TMLHE: variants seen among roughly 807,000 people sequenced by gnomAD.
The protein encoded by TMLHE is trimethyllysine dioxygenase, mitochondrial.
A neutral mutation model predicts 25.7 loss-of-function variants in TMLHE; 18 were observed. That is an observed-to-expected ratio of 0.70 (90% CI 0.48 to 1.04). TMLHE has a LOEUF of 1.04. Ranked by LOEUF, TMLHE falls within the 50% of genes least tolerant of loss-of-function variation. The probability of loss-of-function intolerance (pLI) is 0.00; values close to 1 mark genes in which losing one functional copy is unlikely to be tolerated. For synonymous variants in TMLHE, 105 were observed against 97.0 expected, an observed-to-expected ratio of 1.08 and a Z score of -0.49; for missense variants, 236 against 259.0, an observed-to-expected ratio of 0.91 and a Z score of 0.61.
intron 1 of TMLHE, among the ~76,000 whole-genome samples, chrX:155,547,378 T>G (rs2067357062): frequency 9.1e-6 from 1 of 110,258 alleles, no homozygotes; most frequent in Non-Finnish European, 1.9e-5. Context: ...TCTCCTGACC[T>G]CGTGATCCGC....
chrX:155,604,680 A>G (rs2067776739), intron 1 of TMLHE, among the ~76,000 whole-genome samples: 1 of 111,419 alleles, frequency 9.0e-6, no homozygotes, highest in Admixed American at 9.5e-5. Flanking sequence ...GAGCACCAAG[A>G]GGGAGCATGG....
chrX:155,589,718 T>C (rs1416270951), intron 1 of TMLHE, among the ~76,000 whole-genome samples: 1 of 111,409 alleles, frequency 9.0e-6, no homozygotes, highest in Non-Finnish European at 1.9e-5. Context: ...TCCAATAATC[T>C]ATACCAGAGT....
intron 1 of TMLHE, among the ~76,000 whole-genome samples, chrX:155,545,513 C>A (rs941115574): frequency 6.3e-5 from 7 of 111,816 alleles, no homozygotes; most frequent in Admixed American, 3.8e-4. Flanking sequence ...GGCCTACTAC[C>A]TAACTGAAGC....
chrX:155,536,284 T>G (rs1557337618), intron 2 of TMLHE, among the ~76,000 whole-genome samples: 1 of 111,531 alleles, frequency 9.0e-6, no homozygotes, highest in Admixed American at 9.6e-5. Context: ...ATTAAATGTT[T>G]GTTGAATAAA....
In TMLHE at chrX:155,569,093, T is replaced by A. The variant is rs1270661551; in HGVS notation, c.-1-23816A>T. On this transcript the variant is annotated intron_variant, in intron 1 of 7. Transcript: ENST00000334398. ...AAGAAGTTAAAAACTTTGAAAAAAA[T>A]TTAGATGAATGTATAACTAGAATAA... Among the ~76,000 whole-genome samples, 2 of 56,514 alleles carry A rather than the reference T, an allele frequency of 3.5e-5. 1 individual carries two copies. Among genetic ancestry groups the A allele is most frequent in the Admixed American group, 4.1e-4 (2 of 4,837 alleles). 49.1% of individuals were successfully genotyped at this position (56,514 alleles called of 115,157 possible).
At chrX:155,506,586 T>A (rs1050015587) in intron 6 of TMLHE, among the ~76,000 whole-genome samples, 1 of 111,642 alleles carries the variant, frequency 9.0e-6, no homozygotes, top group African/African-American at 3.2e-5. Context: ...ACATAAATGT[T>A]GTTGGGTAAC....
chrX:155,584,742 C>A (rs1245476948), intron 1 of TMLHE, among the ~76,000 whole-genome samples: 1 of 110,961 alleles, frequency 9.0e-6, no homozygotes, highest in East Asian at 2.8e-4. Context: ...AAAAAACTGC[C>A]AGCCAAGGAT....
intron 1 of TMLHE, among the ~76,000 whole-genome samples, chrX:155,547,778 T>C (rs1349498009): frequency 1.8e-5 from 2 of 110,428 alleles, no homozygotes; most frequent in African/African-American, 3.3e-5. Context: ...CCCTGAAATA[T>C]ATAAAATAAT....
At position 155,512,569 on chromosome X, in the gene TMLHE, T is replaced by C. The variant is rs1031692096; in HGVS notation, c.639-777A>G. On this transcript the variant is annotated intron_variant, in intron 4 of 7. Transcript: ENST00000334398. ...ACATTTTCTTAATCCAGTCTATCAT[T>C]GTTGGACATTTGGGTTGGTTCCAAG... is the stretch of plus-strand genomic sequence containing the variant. 2.7e-5 allele frequency among the ~76,000 whole-genome samples: 3 copies of C among 111,177 alleles called. No homozygotes were observed. The East Asian group carries it at 8.4e-4, about 31-fold the overall frequency.
chrX:155,547,764 A>ACAACC (rs2067362359), intron 1 of TMLHE, among the ~76,000 whole-genome samples: 1 of 110,735 alleles, frequency 9.0e-6, no homozygotes, highest in Non-Finnish European at 1.9e-5. Flanking sequence ...AATAATCCAC[A>ACAACC]CAACCCTGAA....
At position 155,520,478 on chromosome X, in the gene TMLHE, G is replaced by A. The variant is rs1249325602; in HGVS notation, c.358+3978C>T. 4.9e-3 allele frequency among the ~76,000 whole-genome samples: 13 copies of A among 2,674 alleles called. No homozygotes were observed. The Admixed American group carries it at 0.085, about 17-fold the overall frequency. 2.3% of individuals were successfully genotyped at this position (2,674 alleles called of 115,157 possible). On this transcript the variant is annotated intron_variant, in intron 3 of 7. Transcript: ENST00000334398. ...CATTTTTTCCTTCATTTCAACTTTG[G>A]TGAATCTGACAATTATGTGTCTTGG...
intron 6 of TMLHE, 109 bp downstream of exon 6, chrX:155,506,789 T>C (rs2067078630): frequency 1.6e-6 from 1 of 631,742 alleles, no homozygotes; most frequent in East Asian, 3.2e-5. Context: ...AGCTATAGAA[T>C]AGCAAGATTA....
chrX:155,610,697 T>C (rs2067813914), intron 1 of TMLHE, among the ~76,000 whole-genome samples: 1 of 111,039 alleles, frequency 9.0e-6, no homozygotes, highest in African/African-American at 3.3e-5. Flanking sequence ...AAAAAGAATA[T>C]TGCTGGCTTG....
intron 3 of TMLHE, among the ~76,000 whole-genome samples, chrX:155,524,094 AAG>A (rs782621939): frequency 2.5e-3 from 282 of 111,602 alleles, no homozygotes; most frequent in African/African-American, 8.5e-3. Flanking sequence ...TCTGCAAATA[AAG>A]AGTTTTATGT....
chrX:155,609,655 T>C (rs781889728), intron 1 of TMLHE, among the ~76,000 whole-genome samples: 2 of 112,419 alleles, frequency 1.8e-5, no homozygotes, highest in Non-Finnish European at 3.8e-5. Flanking sequence ...AAAGGACTTG[T>C]ATATAAGCAA....
intron 1 of TMLHE, among the ~76,000 whole-genome samples, chrX:155,560,127 T>C (rs1366457209): frequency 8.9e-6 from 1 of 112,064 alleles, no homozygotes; most frequent in Non-Finnish European, 1.9e-5. Context: ...CTCTTTACAA[T>C]TGCACTCAGG....
rs138511500 is a variant in TMLHE, at chrX:155,589,382, G to A, written c.-2+23410C>T. Among the ~76,000 whole-genome samples, 802 of 111,344 alleles carry A rather than the reference G, an allele frequency of 7.2e-3. 6 individuals carry two copies. Among genetic ancestry groups the A allele is most frequent in the African/African-American group, 0.024 (730 of 30,655 alleles). On this transcript the variant is annotated intron_variant, in intron 1 of 7. Transcript: ENST00000334398. Reference sequence around the variant, plus strand: ...GGAGAATTGCTTGAACCCGGGAGGCGGAGGTTGCAGTGAGCCAAGATCACA... The same window carrying A: ...GGAGAATTGCTTGAACCCGGGAGGCAGAGGTTGCAGTGAGCCAAGATCACA...
At position 155,545,387 on chromosome X, in the gene TMLHE, A is replaced by C. The variant is rs782293853; in HGVS notation, c.-1-110T>G. ...GTAAAATGATAGATTTAATGATCTC[A>C]ATACAGAGGATTAAACAAAGGAGAA... is the stretch of plus-strand genomic sequence containing the variant. On this transcript the variant is annotated intron_variant, in intron 1 of 7. Coordinates refer to ENST00000334398, the MANE Select transcript of TMLHE (RefSeq NM_018196.4). 4.7e-5 allele frequency: 28 copies of C among 595,969 alleles called. No homozygotes were observed. The Admixed American group carries it at 6.0e-4, about 13-fold the overall frequency. The allele number at this position is 595,969 out of a possible 1,213,427, so 49.1% of individuals were successfully genotyped here.
chrX:155,609,195 A>G (rs1381247190), intron 1 of TMLHE, among the ~76,000 whole-genome samples: 1 of 112,371 alleles, frequency 8.9e-6, no homozygotes, highest in Admixed American at 9.4e-5. Context: ...ACACCATGGA[A>G]TACTATGCAG....
Sources: allele counts gnomAD v4.1 joint callset (sites outside exome capture counted in the v4.1 genomes callset), GRCh38; gene constraint gnomAD v4.1.1; transcripts MANE v1.5; gene names NCBI Gene and HGNC (gene_info 2026-07-23, HGNC 2026-07-21).